Variants in MROH2A observed in about 807,000 individuals in gnomAD.
The protein encoded by MROH2A is maestro heat like repeat family member 2A.
A neutral mutation model predicts 200.4 loss-of-function variants in MROH2A; 174 were observed. That is an observed-to-expected ratio of 0.87 (90% confidence interval 0.77 to 0.98). The LOEUF (loss-of-function observed/expected upper bound fraction) is 0.98, where lower values mean the gene tolerates loss of function less well. Ranked by LOEUF, MROH2A falls within the 50% of genes least tolerant of loss-of-function variation. The pLI is 0.00. For synonymous variants in MROH2A, 829 were observed against 840.4 expected (o/e 0.99, Z 0.23); for missense variants, 2,045 against 2,139.6 (o/e 0.96, Z 0.87).
intron 3 of MROH2A, among the ~76,000 whole-genome samples, chr2:233,788,510 C>G (rs1326455511): frequency 6.6e-6 from 1 of 152,026 alleles, no homozygotes; most frequent in Admixed American, 6.6e-5. Context: ...TTCCTCTCTT[C>G]TTAAGGTCCC....
chr2:233,817,262 C>T (rs540013126), intron 27 of MROH2A, among the ~76,000 whole-genome samples: 14 of 152,166 alleles, frequency 9.2e-5, no homozygotes, highest in Admixed American at 2.6e-4. Context: ...ATGTCTAGAA[C>T]GACGTAGTGT....
intron 3 of MROH2A, among the ~76,000 whole-genome samples, chr2:233,788,938 CAAAAAAAAAAAA>C (rs56084976): frequency 1.0e-3 from 48 of 47,490 alleles, no homozygotes; most frequent in South Asian, 4.7e-3. Flanking sequence ...GACTCCGTCT[CAAAAAAAAAAAA>C]AAAAAAAAAA....
chr2:233,807,720 G>C lies in MROH2A; in HGVS notation c.2173-13G>C, dbSNP rs1269751720. The C allele has an allele frequency of 3.2e-6, 5 of 1,550,532 alleles. No homozygotes were observed. In the African/African-American group the frequency reaches 6.8e-5, roughly 21 times the overall value. On this transcript the variant is annotated splice_polypyrimidine_tract_variant and intron_variant, in intron 20 of 41. Transcript: ENST00000389758. The surrounding 1 kb of genome is among the most constrained non-coding windows in gnomAD (Gnocchi z 4.3). ...CCCCTGCCCTCACCCTGGCTGGCTG[G>C]GTCTCCCTGCAGGGTGTGATTATGT...
intron 21 of MROH2A, among the ~76,000 whole-genome samples, 166 bp downstream of exon 21, chr2:233,808,021 A>G (rs1702917336): frequency 1.3e-5 from 2 of 152,182 alleles, no homozygotes; most frequent in African/African-American, 4.8e-5. Flanking sequence ...TCCTGGACAG[A>G]GCTTTTGCTA....
chr2:233,783,240 T>C (rs1437789573), intron 3 of MROH2A, among the ~76,000 whole-genome samples: 1 of 152,192 alleles, frequency 6.6e-6, no homozygotes, highest in Non-Finnish European at 1.5e-5. Context: ...TAGTATGAGT[T>C]TGGCAGTATT....
At chr2:233,801,586 T>C (rs1312603540) in intron 14 of MROH2A, among the ~76,000 whole-genome samples, 1 of 152,208 alleles carries the variant, frequency 6.6e-6, no homozygotes, top group Non-Finnish European at 1.5e-5. Context: ...TGCAGCCTTG[T>C]GGCTGAATAT....
Position 233,789,904 on chromosome 2 carries a change from C to T in MROH2A, c.461C>T (p.Ser154Phe), listed in dbSNP as rs141152795. The T allele has an allele frequency of 6.3e-3, 9,833 of 1,550,440 alleles. 65 individuals are homozygous for T. Among genetic ancestry groups the T allele is most frequent in the Non-Finnish European group, 6.9e-3 (7,902 of 1,146,924 alleles). The change falls in exon 5 of 42, where the codon TCC (serine) becomes TTC (phenylalanine). Residue 154 changes from serine (S) to phenylalanine (F), a missense_variant. Coordinates refer to ENST00000389758, the MANE Select transcript of MROH2A (RefSeq NM_001394639.1). The stretch of plus-strand genomic sequence containing the variant: ...GCCAGCGACACACTGGTGGCTCTGT[C>T]CCGAAACCACTTCAGCTTGGTCATG... Reference protein sequence around the residue: ...EVASDTLVALSRNHFSLVMYE... With the variant: ...EVASDTLVALFRNHFSLVMYE...
intron 3 of MROH2A, among the ~76,000 whole-genome samples, chr2:233,787,518 A>G (rs954368446): frequency 2.4e-5 from 3 of 123,510 alleles, no homozygotes; most frequent in Admixed American, 1.0e-4. Context: ...TTATATATAC[A>G]TATATATTAC....
At chr2:233,776,831 C>T (rs1277132364), upstream of MROH2A, among the ~76,000 whole-genome samples, 6 of 152,306 alleles carry the variant, frequency 3.9e-5, no homozygotes, top group South Asian at 4.1e-4. Flanking sequence ...TGGCCTGTGA[C>T]CTGCCCTGGC....
intron 3 of MROH2A, among the ~76,000 whole-genome samples, chr2:233,782,957 G>A (rs1323187910): frequency 2.7e-5 from 4 of 147,164 alleles, no homozygotes; most frequent in East Asian, 2.0e-4. Flanking sequence ...ACTTTTTTTA[G>A]CATATATTGA....
intron 8 of MROH2A, among the ~76,000 whole-genome samples, chr2:233,795,350 T>C (rs1702035846): frequency 6.6e-6 from 1 of 152,220 alleles, no homozygotes; most frequent in Non-Finnish European, 1.5e-5. Context: ...AGGAGCCATC[T>C]GTAGATCATT....
intron 22 of MROH2A, among the ~76,000 whole-genome samples, chr2:233,809,773 T>C (rs1237371522): frequency 1.2e-5 from 1 of 86,856 alleles, no homozygotes; most frequent in East Asian, 3.4e-4. Flanking sequence ...ATCATAACCA[T>C]TTTTAAGTAT....
intron 6 of MROH2A, 78 bp from the exon 7 acceptor site, chr2:233,793,595 G>C: frequency 1.5e-6 from 2 of 1,294,568 alleles, no homozygotes; most frequent in Non-Finnish European, 2.0e-6. Context: ...ACTTCCACTC[G>C]GGAAGCTGGG....
intron 2 of MROH2A, 38 bp from the exon 3 acceptor site, chr2:233,779,633 A>C: frequency 6.5e-7 from 1 of 1,545,808 alleles, no homozygotes; most frequent in Non-Finnish European, 8.7e-7. Context: ...TGTCATGGTC[A>C]TTTCCACACT....
chr2:233,802,286 A>T lies in MROH2A; in HGVS notation c.1679A>T (p.Asp560Val), dbSNP rs1425851599. The T allele has an allele frequency of 6.5e-7, 1 of 1,550,380 alleles. No individual in the cohort carries two copies. Among genetic ancestry groups the T allele is most frequent in the East Asian group, 2.4e-5 (1 of 40,904 alleles). ...AEHQLHGQDVDVSVAGKSRQV... is the reference protein window; with the variant it reads ...AEHQLHGQDVVVSVAGKSRQV... ...CACCAGCTCCATGGCCAGGATGTGG[A>T]TGTCAGCGTGGCTGGCAAGAGCAGG... Residue 560 changes from aspartate (D) to valine (V), a missense_variant, in exon 15 of 42, where the codon GAT becomes GTT. By Grantham distance (152) the Asp-to-Val change is radical (BLOSUM62 -3). Coordinates refer to ENST00000389758, the MANE Select transcript of MROH2A (RefSeq NM_001394639.1).
chr2:233,779,406 G>A lies in MROH2A; in HGVS notation c.48G>A (p.Val16=). 2.6e-5 allele frequency: 40 copies of A among 1,550,048 alleles called. No individual in the cohort carries two copies. The highest frequency in any genetic ancestry group is 3.3e-5 in the Non-Finnish European group (38 of 1,146,446). ...TEAAVASSEE[V]SEERDDLGPL... ...CAGCAGTAGCCTCAAGTGAGGAGGT[G>A]TCAGAGGAAAGAGACGACCTGGGGC... The change falls in exon 2 of 42, where the codon GTG becomes GTA. Residue 16 remains valine (V), a synonymous_variant. Transcript: ENST00000389758.
chr2:233,806,977 T>C (rs1474552481), intron 19 of MROH2A, among the ~76,000 whole-genome samples: 2 of 152,034 alleles, frequency 1.3e-5, no homozygotes, highest in East Asian at 1.9e-4. Context: ...CAAAGTCCAT[T>C]GTATCATTCT....
intron 38 of MROH2A, among the ~76,000 whole-genome samples, chr2:233,831,175 G>C (rs1206904343): frequency 6.6e-6 from 1 of 152,262 alleles, no homozygotes; most frequent in Non-Finnish European, 1.5e-5. Context: ...GCTGGCTGAG[G>C]GGGCGGGTGG....
chr2:233,775,969 T>C (rs1283489283), upstream of MROH2A, among the ~76,000 whole-genome samples: 1 of 152,212 alleles, frequency 6.6e-6, no homozygotes, highest in African/African-American at 2.4e-5. Flanking sequence ...TCCTCTTGCC[T>C]GCCACCATGT....
Sources: gnomAD v4.1 joint callset for allele counts (sites outside exome capture counted in the v4.1 genomes callset) on GRCh38, gnomAD v4.1.1 for gene constraint, Gnocchi (gnomAD v3.1) non-coding constraint, MANE v1.5 for transcripts, NCBI Gene and HGNC (gene_info 2026-07-23, HGNC 2026-07-21) for gene names.